The following GNAL variants were observed in gnomAD, a reference collection of about 807,000 sequenced individuals.
GNAL encodes guanine nucleotide-binding protein G(olf) subunit alpha.
Under a neutral mutation model 55.1 loss-of-function variants are expected in GNAL, and 18 were observed. The ratio of observed to expected loss-of-function variants is 0.33; its 90% CI spans 0.23 to 0.48. GNAL has a LOEUF of 0.48. GNAL is among the 20% of genes least tolerant of loss of function. The pLI, the probability that GNAL is intolerant of heterozygous loss-of-function variation, is 0.99. For missense variants in GNAL, 412 were observed against 614.1 expected (o/e 0.67, Z 3.48); for synonymous variants, 253 against 237.0 (o/e 1.07, Z -0.62).
In GNAL at chr18:11,884,844, A is replaced by T; in HGVS notation, c.*3709A>T. 1 of 1,376,892 alleles carries T rather than the reference A, an allele frequency of 7.3e-7. No homozygotes were observed. Among genetic ancestry groups the T allele is most frequent in the Non-Finnish European group, 9.4e-7 (1 of 1,062,788 alleles). The allele number at this position is 1,376,892 out of a possible 1,614,324, so 85.3% of individuals were successfully genotyped here. A position where few individuals can be genotyped will look rare whatever the true frequency, so the allele number is the denominator to read the frequency against. On this transcript the variant is annotated 3_prime_UTR_variant, in exon 12 of 12. Transcript: ENST00000334049. ...CAGCAGGAGAGACAAGTAAGGCCCA[A>T]GTGTGCCTGAGTGGAAAATGTCTGG...
intron 4 of GNAL, among the ~76,000 whole-genome samples, chr18:11,800,252 T>G (rs2034489488): frequency 6.6e-6 from 1 of 152,024 alleles, no homozygotes; most frequent in South Asian, 2.1e-4. Flanking sequence ...GGAACATAGA[T>G]AGATAGATAG....
At chr18:11,728,225 A>G (rs946800645) in intron 1 of GNAL, among the ~76,000 whole-genome samples, 2 of 151,890 alleles carry the variant, frequency 1.3e-5, no homozygotes, top group African/African-American at 2.4e-5. Context: ...TTAATTAACA[A>G]CAGCAACAAA....
rs184282395 is a variant in GNAL, at chr18:11,764,920, A to G, written c.624+10975A>G. On this transcript the variant is annotated intron_variant, in intron 4 of 11. Coordinates refer to ENST00000334049, the MANE Select transcript of GNAL (RefSeq NM_182978.4). Reference sequence around the variant, plus strand: ...CATACTGAAGACTTTATTTTTGTTAATAAAAGCAAATGGTTAAAAGTTGTT... The same window carrying G: ...CATACTGAAGACTTTATTTTTGTTAGTAAAAGCAAATGGTTAAAAGTTGTT... Among the ~76,000 whole-genome samples, 352 of 152,386 alleles carry G rather than the reference A, an allele frequency of 2.3e-3. 2 individuals are homozygous for G. Among genetic ancestry groups the G allele is most frequent in the Admixed American group, 6.2e-3 (95 of 15,302 alleles).
intron 10 of GNAL, among the ~76,000 whole-genome samples, chr18:11,875,053 G>A (rs116958521): frequency 1.7e-3 from 259 of 152,316 alleles, no homozygotes; most frequent in Middle Eastern, 6.8e-3. Context: ...CTCTTCCGGG[G>A]GAGAATGCCT....
intron 4 of GNAL, among the ~76,000 whole-genome samples, chr18:11,818,266 A>G (rs1404960224): frequency 6.6e-6 from 1 of 152,210 alleles, no homozygotes; most frequent in East Asian, 1.9e-4. Flanking sequence ...ATAACAAAAT[A>G]ACAGATCCAG....
intron 10 of GNAL, 53 bp from the exon 11 acceptor site, chr18:11,876,568 T>C: frequency 1.9e-6 from 2 of 1,052,800 alleles, no homozygotes; most frequent in Non-Finnish European, 3.0e-6. Flanking sequence ...TTTCGTAGAG[T>C]TGTATCTTTG....
intron 11 of GNAL, among the ~76,000 whole-genome samples, chr18:11,880,596 CAAAAT>C (rs1567908928): frequency 6.6e-6 from 1 of 151,964 alleles, no homozygotes; most frequent in East Asian, 1.9e-4. Context: ...AATAAACAAA[CAAAAT>C]AAAATTAGCT....
At chr18:11,833,476 C>T (rs1334594272) in intron 5 of GNAL, 2 of 152,234 alleles carry the variant, frequency 1.3e-5, no homozygotes, top group African/African-American at 4.8e-5. Flanking sequence ...CCATCAGCCC[C>T]TGTTACATGT....
chr18:11,790,651 C>CTTTTTTTTTCTTTTT (rs1310170536), intron 4 of GNAL, among the ~76,000 whole-genome samples: 1 of 83,358 alleles, frequency 1.2e-5, no homozygotes, highest in Non-Finnish European at 2.2e-5. Context: ...CTTTTCTTTT[C>CTTTTTTTTTCTTTTT]TTTTTTTTTC....
chr18:11,792,782 A>G (rs1410359523), intron 4 of GNAL, among the ~76,000 whole-genome samples: 1 of 152,202 alleles, frequency 6.6e-6, no homozygotes, highest in African/African-American at 2.4e-5. Context: ...AGGAGAGGGT[A>G]ATTCTTGTCT....
At chr18:11,824,388 A>G (rs2035185947) in intron 4 of GNAL, among the ~76,000 whole-genome samples, 1 of 152,104 alleles carries the variant, frequency 6.6e-6, no homozygotes, top group African/African-American at 2.4e-5. Context: ...GACTTTCCAG[A>G]ATGATAAAAC....
intron 1 of GNAL, among the ~76,000 whole-genome samples, chr18:11,694,542 A>C (rs1215961378): frequency 1.3e-5 from 2 of 152,156 alleles, no homozygotes; most frequent in African/African-American, 4.8e-5. Flanking sequence ...GTGGGATGGA[A>C]CTTTCCAGTT....
chr18:11,870,633 A>G (rs1180429985), intron 9 of GNAL, among the ~76,000 whole-genome samples: 3 of 152,208 alleles, frequency 2.0e-5, no homozygotes, highest in Non-Finnish European at 4.4e-5. Context: ...CAATCACCAC[A>G]TAATCATGTT....
At chr18:11,775,863 G>A (rs1251595517) in intron 4 of GNAL, among the ~76,000 whole-genome samples, 2 of 152,212 alleles carry the variant, frequency 1.3e-5, no homozygotes, top group African/African-American at 4.8e-5. Flanking sequence ...AAGAGTTTAT[G>A]TGGGAAAAAA....
At position 11,769,038 on chromosome 18, in the gene GNAL, A is replaced by ATT. The variant is rs2033534586; in HGVS notation, c.624+15093_624+15094insTT. The stretch of plus-strand genomic sequence containing the variant: ...TTCTATATTATAATATATTATATAT[A>ATT]ATATATAATATATATAATATATATT... On this transcript the variant is annotated intron_variant, in intron 4 of 11. Transcript: ENST00000334049. 4.5e-5 allele frequency among the ~76,000 whole-genome samples: 4 copies of ATT among 89,524 alleles called. 1 individual carries two copies. Among genetic ancestry groups the ATT allele is most frequent in the Non-Finnish European group, 6.5e-5 (3 of 45,956 alleles). 58.7% of individuals were successfully genotyped at this position (89,524 alleles called of 152,430 possible). A position where few individuals can be genotyped will look rare whatever the true frequency, so the allele number is the denominator to read the frequency against.
chr18:11,720,024 A>T (rs1015373490), intron 1 of GNAL, among the ~76,000 whole-genome samples: 1 of 152,170 alleles, frequency 6.6e-6, no homozygotes, highest in Non-Finnish European at 1.5e-5. Context: ...ATCCCCAGGG[A>T]TTTTGATAAA....
chr18:11,865,112 C>A (rs1441229325), intron 7 of GNAL, among the ~76,000 whole-genome samples: 1 of 139,796 alleles, frequency 7.2e-6, no homozygotes, highest in African/African-American at 3.4e-5. Flanking sequence ...TAGACTCTCT[C>A]GGCACAGCCC....
intron 5 of GNAL, among the ~76,000 whole-genome samples, chr18:11,832,257 G>A (rs532888006): frequency 3.9e-5 from 6 of 152,256 alleles, no homozygotes; most frequent in Non-Finnish European, 7.4e-5. Context: ...TGCTCAGTAC[G>A]ACACATGATA....
intron 4 of GNAL, among the ~76,000 whole-genome samples, chr18:11,779,479 C>T (rs576135807): frequency 1.6e-4 from 25 of 152,184 alleles, no homozygotes; most frequent in African/African-American, 5.5e-4. Context: ...GCTTGTGTGG[C>T]GGGGGTTAAA....
Sources: gnomAD v4.1 joint callset for allele counts (sites outside exome capture counted in the v4.1 genomes callset) on GRCh38, gnomAD v4.1.1 for gene constraint, MANE v1.5 for transcripts, NCBI Gene and HGNC (gene_info 2026-07-23, HGNC 2026-07-21) for gene names.